The following MEI4 variants were observed in gnomAD, a reference collection of about 807,000 sequenced individuals.
The protein encoded by MEI4 is meiotic double-stranded break formation protein 4.
A neutral mutation model predicts 31.4 loss-of-function variants in MEI4; 27 were observed. That is an observed-to-expected ratio of 0.86 (90% CI 0.63 to 1.19). MEI4 has a LOEUF of 1.19. MEI4 is among the 50% of genes most tolerant of loss of function. MEI4 has a pLI of 0.00. For synonymous variants in MEI4, 122 were observed against 145.4 expected (o/e 0.84, Z 1.16); for missense variants, 329 against 398.9 (o/e 0.82, Z 1.49).
At chr6:77,911,380 T>C (rs1766431075) in intron 4 of MEI4, among the ~76,000 whole-genome samples, 1 of 152,014 alleles carries the variant, frequency 6.6e-6, no homozygotes, top group African/African-American at 2.4e-5. Flanking sequence ...TCACTGCAGT[T>C]TGGTATACAA....
chr6:77,737,192 C>G (rs1393584494), intron 2 of MEI4, among the ~76,000 whole-genome samples: 3 of 152,144 alleles, frequency 2.0e-5, no homozygotes, highest in African/African-American at 7.2e-5. Flanking sequence ...CTGTGCATTT[C>G]TAAGACAGTA....
At chr6:77,836,987 T>C (rs1770232426) in intron 4 of MEI4, among the ~76,000 whole-genome samples, 1 of 152,142 alleles carries the variant, frequency 6.6e-6, no homozygotes, top group South Asian at 2.1e-4. Context: ...GTTTTCTTCA[T>C]TACTGGTGTT....
intron 4 of MEI4, among the ~76,000 whole-genome samples, chr6:77,867,486 T>C (rs1771069727): frequency 6.6e-6 from 1 of 152,196 alleles, no homozygotes; most frequent in Non-Finnish European, 1.5e-5. Flanking sequence ...TCACTGGCCA[T>C]CAGAGAAATG....
chr6:77,919,508 G>A (rs1766649881), intron 4 of MEI4, among the ~76,000 whole-genome samples: 1 of 151,978 alleles, frequency 6.6e-6, no homozygotes, highest in South Asian at 2.1e-4. Context: ...AGTGTGTAGA[G>A]GGAAATTTAT....
At chr6:77,694,847 C>G (rs1765975489) in intron 2 of MEI4, among the ~76,000 whole-genome samples, 1 of 151,234 alleles carries the variant, frequency 6.6e-6, no homozygotes, top group Non-Finnish European at 1.5e-5. Context: ...CACTGACTTC[C>G]ACAATGGTTG....
At chr6:77,922,710 T>TGA (rs1766732634) in intron 4 of MEI4, among the ~76,000 whole-genome samples, 2 of 151,726 alleles carry the variant, frequency 1.3e-5, no homozygotes, top group Non-Finnish European at 1.5e-5. Context: ...GGGATTGTTT[T>TGA]ATATCAAAAT....
intron 4 of MEI4, among the ~76,000 whole-genome samples, chr6:77,864,260 G>T (rs1474956585): frequency 6.6e-6 from 1 of 152,146 alleles, no homozygotes; most frequent in Non-Finnish European, 1.5e-5. Context: ...TGGGCTAAAT[G>T]CTCCAAATAA....
intron 4 of MEI4, among the ~76,000 whole-genome samples, chr6:77,907,912 TG>T (rs1365770553): frequency 1.3e-5 from 2 of 152,044 alleles, no homozygotes; most frequent in Non-Finnish European, 2.9e-5. Context: ...ATGACGAGCG[TG>T]TTTTCATTTG....
At chr6:77,812,416 T>G (rs1324619299) in intron 3 of MEI4, among the ~76,000 whole-genome samples, 8 of 152,072 alleles carry the variant, frequency 5.3e-5, no homozygotes, top group African/African-American at 1.7e-4. Context: ...TGTTGATGAT[T>G]ATTATTGGTT....
At chr6:77,816,287 T>C (rs185307047) in intron 3 of MEI4, among the ~76,000 whole-genome samples, 2 of 152,266 alleles carry the variant, frequency 1.3e-5, no homozygotes, top group Admixed American at 1.3e-4. Flanking sequence ...TATTTCATTG[T>C]TTTTTAAAAC....
Position 77,676,039 on chromosome 6 carries a change from A to G in MEI4, c.-14-14619A>G, listed in dbSNP as rs117096457. On this transcript the variant is annotated intron_variant, in intron 1 of 4. Coordinates refer to ENST00000684080, the MANE Select transcript of MEI4 (RefSeq NM_001322247.2). ...TAGCCAGGCCAGATAGAACTTGTCA[A>G]CCACGAAGTTTGGAAGTTGAACTGC... is the stretch of plus-strand genomic sequence containing the variant. Among the ~76,000 whole-genome samples the G allele has an allele frequency of 5.4e-3, 824 of 152,254 alleles. 5 individuals carry two copies. Among genetic ancestry groups the G allele is most frequent in the Non-Finnish European group, 8.9e-3 (603 of 68,026 alleles).
chr6:77,710,827 A>G (rs1231430676), intron 2 of MEI4, among the ~76,000 whole-genome samples: 1 of 152,190 alleles, frequency 6.6e-6, no homozygotes, highest in Admixed American at 6.5e-5. Context: ...GGTTATTCCA[A>G]CATACAACTG....
chr6:77,731,865 C>A (rs1252732841), intron 2 of MEI4, among the ~76,000 whole-genome samples: 1 of 151,910 alleles, frequency 6.6e-6, no homozygotes, highest in Admixed American at 6.6e-5. Context: ...AGTTTTCCAG[C>A]ACCATTTATT....
chr6:77,770,865 T>G (rs1768296303), intron 3 of MEI4, among the ~76,000 whole-genome samples: 1 of 152,098 alleles, frequency 6.6e-6, no homozygotes, highest in Admixed American at 6.6e-5. Context: ...AATACCATTC[T>G]GGACAGTACC....
rs1163454566 is a variant in MEI4, at chr6:77,847,868, C to G, written c.900+18806C>G. ...AAATGTAGTAATCTGTAATCAATAACTCTTACTGACCCTGAAACTCACATT... is the reference window on the plus strand; with the variant it reads ...AAATGTAGTAATCTGTAATCAATAAGTCTTACTGACCCTGAAACTCACATT... On this transcript the variant is annotated intron_variant, in intron 4 of 4. Transcript: ENST00000684080. This position sits in a 1 kb window ranked among gnomAD's most constrained non-coding sequence, Gnocchi z 4.6. Among the ~76,000 whole-genome samples the G allele has an allele frequency of 6.6e-6, 1 of 152,116 alleles. No individual in the cohort carries two copies. Among genetic ancestry groups the G allele is most frequent in the African/African-American group, 2.4e-5 (1 of 41,432 alleles).
chr6:77,826,337 C>A (rs1011700570), intron 3 of MEI4, among the ~76,000 whole-genome samples: 1 of 152,130 alleles, frequency 6.6e-6, no homozygotes, highest in Non-Finnish European at 1.5e-5. Flanking sequence ...TTGTTCTACA[C>A]CCAGGGTCCC....
chr6:77,678,076 G>A (rs1768877770), intron 1 of MEI4, among the ~76,000 whole-genome samples: 2 of 152,092 alleles, frequency 1.3e-5, no homozygotes, highest in South Asian at 2.1e-4. Flanking sequence ...AACTTAACAC[G>A]CTGATACAGC....
intron 3 of MEI4, among the ~76,000 whole-genome samples, chr6:77,776,667 A>C (rs566852462): frequency 6.6e-6 from 1 of 152,306 alleles, no homozygotes; most frequent in South Asian, 2.1e-4. Context: ...AAGTAAATCC[A>C]AGCCAGAGCC....
chr6:77,700,086 A>T (rs1182854725), intron 2 of MEI4, among the ~76,000 whole-genome samples: 5 of 152,204 alleles, frequency 3.3e-5, no homozygotes, highest in Non-Finnish European at 5.9e-5. Context: ...TCAGATCTCC[A>T]GCTGCTGCTG....
Sources: allele counts gnomAD v4.1 joint callset (sites outside exome capture counted in the v4.1 genomes callset), GRCh38; gene constraint gnomAD v4.1.1; non-coding constraint Gnocchi (gnomAD v3.1); transcripts MANE v1.5; gene names NCBI Gene and HGNC (gene_info 2026-07-23, HGNC 2026-07-21).